Variants in GAS2 observed in about 807,000 individuals in gnomAD.
GAS2 encodes growth arrest specific 2.
In GAS2, 20 loss-of-function variants were observed where a neutral mutation model predicts 37.5. That is an observed-to-expected ratio of 0.53 (90% CI 0.37 to 0.77). The LOEUF is 0.77. Ranked by LOEUF, GAS2 falls within the 30% of genes least tolerant of loss-of-function variation. GAS2 has a pLI of 0.00. For missense variants in GAS2, 336 were observed against 373.4 expected (o/e 0.90, Z 0.82); for synonymous variants, 144 against 132.2 (o/e 1.09, Z -0.61).
intron 5 of GAS2, among the ~76,000 whole-genome samples, chr11:22,745,130 A>AAAAG (rs1554978182): frequency 3.3e-5 from 5 of 150,570 alleles, no homozygotes; most frequent in Non-Finnish European, 7.4e-5. Context: ...AAAAAAAAAA[A>AAAAG]AAAGAAAGAA....
intron 1 of GAS2, among the ~76,000 whole-genome samples, chr11:22,652,386 C>A (rs1328068118): frequency 6.6e-6 from 1 of 152,184 alleles, no homozygotes; most frequent in Non-Finnish European, 1.5e-5. Flanking sequence ...TTATCTCTGC[C>A]CTGCCCCCAG....
In GAS2 at chr11:22,719,694, T is replaced by A. The variant is rs1246466061; in HGVS notation, c.268-6598T>A. 2.0e-5 allele frequency among the ~76,000 whole-genome samples: 3 copies of A among 152,150 alleles called. No homozygotes were observed. The East Asian group carries it at 5.8e-4, about 29-fold the overall frequency. On this transcript the variant is annotated intron_variant, in intron 3 of 7. Coordinates refer to ENST00000454584, the MANE Select transcript of GAS2 (RefSeq NM_001143830.3). ...ATGGTTTGCCTTTTCCAGATTGTCA[T>A]GTAGTTGGAATCATACAGCCTGTAG...
chr11:22,672,195 C>CT (rs1849233270), intron 1 of GAS2, among the ~76,000 whole-genome samples: 1 of 151,964 alleles, frequency 6.6e-6, no homozygotes. Flanking sequence ...TGTGTTTTTG[C>CT]TTTTTTCTCA....
rs185456413 is a variant in GAS2 at position 22,786,197 on chromosome 11, T to G, written c.724-25601T>G. On this transcript the variant is annotated intron_variant, in intron 7 of 7. Coordinates refer to ENST00000454584, the MANE Select transcript of GAS2 (RefSeq NM_001143830.3). ...AATCACAAAGCTTACCAGGCTTTTA[T>G]TTTTGAAAATAGATTTACATTTACA... is the stretch of plus-strand genomic sequence containing the variant. Among the ~76,000 whole-genome samples, 295 of 152,300 alleles carry G rather than the reference T, an allele frequency of 1.9e-3. 3 individuals carry two copies. The highest frequency in any genetic ancestry group is 0.012 in the South Asian group (59 of 4,830).
At chr11:22,669,766 T>C (rs1849129326) in intron 1 of GAS2, among the ~76,000 whole-genome samples, 2 of 152,174 alleles carry the variant, frequency 1.3e-5, no homozygotes, top group African/African-American at 4.8e-5. Context: ...TTAAGTGTCA[T>C]TTTGCTTTAT....
Position 22,779,720 on chromosome 11 carries a change from A to C in GAS2, c.723+23767A>C, listed in dbSNP as rs527624708. On this transcript the variant is annotated intron_variant, in intron 7 of 7. Transcript: ENST00000454584. Reference sequence around the variant, plus strand: ...GTGTCAAAAAACAAAAAACAAAAAAAAAAACCAAACAAACAAAAAGAAAGC... The same window carrying C: ...GTGTCAAAAAACAAAAAACAAAAAACAAAACCAAACAAACAAAAAGAAAGC... Among the ~76,000 whole-genome samples, 127 of 152,200 alleles carry C rather than the reference A, an allele frequency of 8.3e-4. 2 individuals carry two copies. Among genetic ancestry groups the C allele is most frequent in the South Asian group, 8.3e-3 (40 of 4,832 alleles).
intron 1 of GAS2, among the ~76,000 whole-genome samples, chr11:22,658,538 A>G (rs1848881325): frequency 6.6e-6 from 1 of 152,182 alleles, no homozygotes; most frequent in Non-Finnish European, 1.5e-5. Context: ...ATGGCAGCAT[A>G]ATTTTTGTAA....
At chr11:22,742,828 A>G (rs1853161264) in intron 5 of GAS2, among the ~76,000 whole-genome samples, 1 of 152,114 alleles carries the variant, frequency 6.6e-6, no homozygotes, top group East Asian at 1.9e-4. Context: ...AAAATTATGC[A>G]ATCTATTCCT....
chr11:22,659,468 A>G (rs981462760), intron 1 of GAS2, among the ~76,000 whole-genome samples: 16 of 152,306 alleles, frequency 1.1e-4, no homozygotes, highest in Admixed American at 6.5e-4. Context: ...TCCAAAAGAA[A>G]AGAGATTATT....
At chr11:22,699,850 A>G (rs1850740903) in intron 3 of GAS2, among the ~76,000 whole-genome samples, 3 of 152,144 alleles carry the variant, frequency 2.0e-5, no homozygotes, top group Non-Finnish European at 4.4e-5. Flanking sequence ...CAAGATTAAC[A>G]TTTCAGCAAG....
intron 7 of GAS2, among the ~76,000 whole-genome samples, chr11:22,788,044 G>A (rs1855901143): frequency 6.6e-6 from 1 of 152,164 alleles, no homozygotes; most frequent in Non-Finnish European, 1.5e-5. Context: ...ATGAAATGGT[G>A]TGCGTTTCCT....
intron 3 of GAS2, among the ~76,000 whole-genome samples, chr11:22,709,979 A>G (rs1270180242): frequency 1.5e-5 from 2 of 130,174 alleles, no homozygotes; most frequent in Non-Finnish European, 3.1e-5. Context: ...ACATAGACAC[A>G]GGAAGGGGAA....
chr11:22,626,342 A>C (rs893739318), intron 1 of GAS2: 2 of 158,618 alleles, frequency 1.3e-5, no homozygotes, highest in Admixed American at 1.2e-4. Context: ...TCCTTCCATT[A>C]TTAGAACTGA....
rs529744168 is a variant in GAS2 at position 22,696,292 on chromosome 11, A to C, written c.267+10503A>C. Among the ~76,000 whole-genome samples the C allele has an allele frequency of 5.9e-5, 9 of 151,972 alleles. 1 individual carries two copies. In the South Asian group the frequency reaches 1.7e-3, roughly 28 times the overall value. On this transcript the variant is annotated intron_variant, in intron 3 of 7. Transcript: ENST00000454584. ...TGAACTCATCATTTTTTATGGCTGCATAGTATTCCATGGTGTATATGTGCC... is the reference window on the plus strand; with the variant it reads ...TGAACTCATCATTTTTTATGGCTGCCTAGTATTCCATGGTGTATATGTGCC...
At chr11:22,806,115 T>TTTACCA (rs1305428761) in intron 7 of GAS2, among the ~76,000 whole-genome samples, 10 of 152,158 alleles carry the variant, frequency 6.6e-5, no homozygotes, top group African/African-American at 2.4e-4. Flanking sequence ...TGCAGCCCAG[T>TTTACCA]AGGTCTCAGC....
At chr11:22,757,416 G>GA (rs552303289) in intron 7 of GAS2, among the ~76,000 whole-genome samples, 243 of 152,090 alleles carry the variant, frequency 1.6e-3, no homozygotes, top group Non-Finnish European at 2.4e-3. Context: ...TTGCTGTACT[G>GA]AAAAAATTGT....
At chr11:22,752,860 C>T (rs775041309) in intron 6 of GAS2, among the ~76,000 whole-genome samples, 21 of 152,040 alleles carry the variant, frequency 1.4e-4, no homozygotes, top group Non-Finnish European at 2.1e-4. Flanking sequence ...AAATAGGTGA[C>T]CCTTTATGTG....
intron 7 of GAS2, among the ~76,000 whole-genome samples, chr11:22,771,649 T>A (rs1854987231): frequency 6.6e-6 from 1 of 152,224 alleles, no homozygotes; most frequent in African/African-American, 2.4e-5. Context: ...CACAGCTTAC[T>A]TAAGTCTTGT....
chr11:22,737,672 T>G (rs768315965), intron 4 of GAS2, 33 bp from the exon 5 acceptor site: 2 of 1,606,714 alleles, frequency 1.2e-6, no homozygotes, highest in East Asian at 2.2e-5. Context: ...TTCCTTCTAT[T>G]GTAAAGGTGT....
Sources: gnomAD v4.1 joint callset for allele counts (sites outside exome capture counted in the v4.1 genomes callset) on GRCh38, gnomAD v4.1.1 for gene constraint, MANE v1.5 for transcripts, NCBI Gene and HGNC (gene_info 2026-07-23, HGNC 2026-07-21) for gene names.